Variants in TOP2A observed in about 807,000 individuals in gnomAD.
The protein encoded by TOP2A is DNA topoisomerase 2-alpha.
In TOP2A, 68 loss-of-function variants were observed where a neutral mutation model predicts 187.2. That is an observed-to-expected ratio of 0.36 (90% CI 0.30 to 0.44). The LOEUF is 0.44. Among genes scored for constraint, TOP2A ranks in the 20% least tolerant of loss-of-function variants. The pLI is 1.00. For missense variants in TOP2A, 1,196 were observed against 1,808.7 expected, an observed-to-expected ratio of 0.66 and a Z score of 6.14; for synonymous variants, 542 against 593.2, an observed-to-expected ratio of 0.91 and a Z score of 1.25.
chr17:40,402,283 G>C (rs1344116316), intron 20 of TOP2A, among the ~76,000 whole-genome samples: 1 of 152,200 alleles, frequency 6.6e-6, no homozygotes, highest in Non-Finnish European at 1.5e-5. Flanking sequence ...TAAGAGGGCA[G>C]TCAGACATAA....
In TOP2A at chr17:40,404,297, C is replaced by T. The variant is rs368661695; in HGVS notation, c.2162-24G>A. ...ACCTTTAAAATGAAATAAGAGCAAA[C>T]GTAAGTATCCTCAATTTAACCAATT... On this transcript the variant is annotated intron_variant, in intron 18 of 34. Transcript: ENST00000423485. The T allele has an allele frequency of 1.9e-5, 30 of 1,610,254 alleles. No homozygotes were observed. The African/African-American group carries it at 2.0e-4, about 11-fold the overall frequency.
At chr17:40,395,324 G>A in intron 29 of TOP2A, 125 bp downstream of exon 29, 1 of 345,102 alleles carries the variant, frequency 2.9e-6, no homozygotes, top group Non-Finnish European at 5.3e-6. Context: ...GTAGAATTGA[G>A]ATACAGTCCT....
At chr17:40,404,765 T>C (rs1427332957) in intron 17 of TOP2A, 26 bp downstream of exon 17, 2 of 1,441,774 alleles carry the variant, frequency 1.4e-6, no homozygotes, top group Non-Finnish European at 1.9e-6. Context: ...ACAATCCATT[T>C]TGTGGCATAT....
Position 40,396,475 on chromosome 17 carries a change from G to A in TOP2A, c.3538-10C>T, listed in dbSNP as rs753750322. ...CCTTGGCTTCAACAGCCTACAGAAG[G>A]GATATAAGAAAGCAAGTTTAAATGT... On this transcript the variant is annotated splice_polypyrimidine_tract_variant and intron_variant, in intron 27 of 34. Coordinates refer to ENST00000423485, the MANE Select transcript of TOP2A (RefSeq NM_001067.4). 2 of 1,602,212 alleles carry A rather than the reference G, an allele frequency of 1.2e-6. No individual in the cohort carries two copies. The highest frequency in any genetic ancestry group is 2.7e-5 in the African/African-American group (2 of 74,414).
chr17:40,400,690 T>G (rs768345250), intron 21 of TOP2A, 27 bp from the exon 22 acceptor site: 1 of 1,582,356 alleles, frequency 6.3e-7, no homozygotes, highest in Non-Finnish European at 8.6e-7. Context: ...AAAAACAGTA[T>G]GTTTTCTAAA....
In TOP2A at chr17:40,407,692, CA is replaced by C. The variant is rs754725247; in HGVS notation, c.1501-19del. On this transcript the variant is annotated intron_variant, in intron 12 of 34. Coordinates refer to ENST00000423485, the MANE Select transcript of TOP2A (RefSeq NM_001067.4). ...TCCATGATCTGAAATGGACATATAC[CA>C]AAAAAAGCATCGTTTATAAATTTGA... 23 of 1,550,082 alleles carry C rather than the reference CA, an allele frequency of 1.5e-5. No homozygotes were observed. Among genetic ancestry groups the C allele is most frequent in the Admixed American group, 9.5e-5 (4 of 42,208 alleles).
At position 40,398,769 on chromosome 17, in the gene TOP2A, T is replaced by C; in HGVS notation, c.3453+4A>G. 1 of 1,607,872 alleles carries C rather than the reference T, an allele frequency of 6.2e-7. No homozygotes were observed. Among genetic ancestry groups the C allele is most frequent in the Non-Finnish European group, 8.5e-7 (1 of 1,178,192 alleles). On this transcript the variant is annotated splice_donor_region_variant and intron_variant, in intron 26 of 34. Transcript: ENST00000423485. ...CAGCATGTACCATCCTACTATCAAC[T>C]CACTTTTTCATTTCTTAGCCTGCAG...
chr17:40,399,206 C>T lies in TOP2A; in HGVS notation c.3197-75G>A, dbSNP rs142152715. The T allele has an allele frequency of 4.7e-4, 502 of 1,079,098 alleles. 1 individual carries two copies. The African/African-American group carries it at 6.9e-3, about 15-fold the overall frequency. 66.8% of individuals were successfully genotyped at this position (1,079,098 alleles called of 1,614,324 possible). A position where few individuals can be genotyped will look rare whatever the true frequency, so the allele number is the denominator to read the frequency against. On this transcript the variant is annotated intron_variant, in intron 24 of 34. Transcript: ENST00000423485. ...GAAGGGGATAAGGTTTTACACAAGT[C>T]AAAAGTTTAAAACTGGAAATTAAAC...
rs559251838 is a variant in TOP2A at position 40,392,075 on chromosome 17, G to T, written c.4125C>A (p.Val1375=). 1 of 1,611,696 alleles carries T rather than the reference G, an allele frequency of 6.2e-7. No individual in the cohort carries two copies. Among genetic ancestry groups the T allele is most frequent in the Admixed American group, 1.7e-5 (1 of 59,744 alleles). The change falls in exon 32 of 35, where the codon GTC becomes GTA. Residue 1375 remains valine (V), a synonymous_variant. Coordinates refer to ENST00000423485, the MANE Select transcript of TOP2A (RefSeq NM_001067.4). The part of the protein sequence containing the change: ...SNKELKPQKS[V]VSDLEADDVK... ...TTTTACTTAAATACATACCTGACACGACACTTTTCTGTGGTTTCAGTTCTT... is the reference window on the plus strand; with the variant it reads ...TTTTACTTAAATACATACCTGACACTACACTTTTCTGTGGTTTCAGTTCTT...
rs1169094717 is a variant in TOP2A at position 40,392,264 on chromosome 17, A to C, written c.4042T>G (p.Phe1348Val). 1.2e-6 allele frequency: 2 copies of C among 1,612,718 alleles called. No homozygotes were observed. Among genetic ancestry groups the C allele is most frequent in the East Asian group, 2.2e-5 (1 of 44,836 alleles). ...DFDEKTDDED[F>V]VPSDASPPKT... ...GGTGGACTAGCATCTGATGGGACAA[A>C]ATCTTCATCATCAGTTTTTTCATCA... is the stretch of plus-strand genomic sequence containing the variant. The change falls in exon 31 of 35, where the codon TTT becomes GTT. Residue 1348 changes from phenylalanine (F) to valine (V), a missense_variant. Physicochemically the swap from Phe to Val is conservative, Grantham distance 50 (BLOSUM62 -1). Around this residue, in one of 10 missense-constraint regions of TOP2A, gnomAD observed 374 missense variants for 403.3 expected, o/e 0.93. Transcript: ENST00000423485.
Position 40,396,345 on chromosome 17 carries a change from T to C in TOP2A, c.3658A>G (p.Ile1220Val). The change falls in exon 28 of 35, where the codon ATT (isoleucine) becomes GTT (valine). Residue 1220 changes from isoleucine (I) to valine (V), a missense_variant. Transcript: ENST00000423485. Reference sequence around the variant, plus strand: ...TTCATTTCTATGGTTATTCGTGGAATGACTCTTTGACCACGCGGAGAAGGC... The same window carrying C: ...TTCATTTCTATGGTTATTCGTGGAACGACTCTTTGACCACGCGGAGAAGGC... ...VLPSPRGQRV[I>V]PRITIEMKAE... 4 of 1,613,862 alleles carry C rather than the reference T, an allele frequency of 2.5e-6. No individual in the cohort carries two copies. The South Asian group carries it at 4.4e-5, about 18-fold the overall frequency.
intron 10 of TOP2A, chr17:40,409,422 C>T (rs1002844760): frequency 1.2e-5 from 5 of 426,414 alleles, no homozygotes; most frequent in Non-Finnish European, 2.3e-5. Flanking sequence ...ACAAATAAAA[C>T]AAATTGAGAC....
chr17:40,413,563 A>C lies in TOP2A; in HGVS notation c.395T>G (p.Val132Gly). Reference sequence around the variant, plus strand: ...GAGAGCTGGGACATACATCTTTTCAACTTTGTGTTCAACAACAGGAATACC... The same window carrying C: ...GAGAGCTGGGACATACATCTTTTCACCTTTGTGTTCAACAACAGGAATACC... Reference protein sequence around the residue: ...GKGIPVVEHKVEKMYVPALIF... With the variant: ...GKGIPVVEHKGEKMYVPALIF... Residue 132 changes from valine (V) to glycine (G), a missense_variant, in exon 5 of 35, where the codon GTT (valine) becomes GGT (glycine). Around this residue, in one of 10 missense-constraint regions of TOP2A, gnomAD observed 97 missense variants for 171.0 expected, o/e 0.57. Coordinates refer to ENST00000423485, the MANE Select transcript of TOP2A (RefSeq NM_001067.4). 6.6e-7 allele frequency: 1 copy of C among 1,522,114 alleles called. No individual in the cohort carries two copies. Among genetic ancestry groups the C allele is most frequent in the Non-Finnish European group, 8.9e-7 (1 of 1,123,916 alleles). 94.3% of individuals were successfully genotyped at this position (1,522,114 alleles called of 1,614,324 possible).
At chr17:40,417,726 G>C (rs907230032) in intron 1 of TOP2A, 45 bp downstream of exon 1, 1 of 1,610,936 alleles carries the variant, frequency 6.2e-7, no homozygotes. Context: ...AGAGATGCCC[G>C]GGCCGCGCGG....
Position 40,390,053 on chromosome 17 carries a change from G to GT in TOP2A, c.4378dup (p.Thr1460AsnfsTer13). 1.9e-6 allele frequency: 3 copies of GT among 1,613,900 alleles called. No individual in the cohort carries two copies. Among genetic ancestry groups the GT allele is most frequent in the Non-Finnish European group, 2.5e-6 (3 of 1,179,856 alleles). Reference sequence around the variant, plus strand: ...TGGCTTCCTTTTGCGGCGATTCTTGGTTTTGGCAGGATCAGGCTTTTGAGA... The same window carrying GT: ...TGGCTTCCTTTTGCGGCGATTCTTGGTTTTTGGCAGGATCAGGCTTTTGAGA... On this transcript the variant is annotated frameshift_variant, in exon 34 of 35. Transcript: ENST00000423485. LOFTEE classifies it high-confidence loss of function.
At chr17:40,416,660 A>G in intron 2 of TOP2A, 80 bp downstream of exon 2, 1 of 1,527,824 alleles carries the variant, frequency 6.5e-7, no homozygotes, top group Non-Finnish European at 9.0e-7. Context: ...GAAAGGTCAC[A>G]CTCAGTACAT....
rs987335250 is a variant in TOP2A, at chr17:40,389,209, T to C, written c.*310A>G. 8.0e-6 allele frequency: 2 copies of C among 251,352 alleles called. No individual in the cohort carries two copies. The highest frequency in any genetic ancestry group is 1.5e-5 in the Non-Finnish European group (2 of 129,218). 15.6% of individuals were successfully genotyped at this position (251,352 alleles called of 1,614,324 possible). A position where few individuals can be genotyped will look rare whatever the true frequency, so the allele number is the denominator to read the frequency against. ...GTGGATGGTTAATAAACACACTGCT[T>C]TACGCTGAAGTGATCAGATAGCTAT... On this transcript the variant is annotated 3_prime_UTR_variant, in exon 35 of 35. Coordinates refer to ENST00000423485, the MANE Select transcript of TOP2A (RefSeq NM_001067.4).
chr17:40,392,055 C>G lies in TOP2A; in HGVS notation c.4132+13G>C, dbSNP rs2143621499. 2 of 1,610,628 alleles carry G rather than the reference C, an allele frequency of 1.2e-6. No homozygotes were observed. Among genetic ancestry groups the G allele is most frequent in the Non-Finnish European group, 1.7e-6 (2 of 1,178,798 alleles). On this transcript the variant is annotated intron_variant, in intron 32 of 34. Transcript: ENST00000423485. Reference sequence around the variant, plus strand: ...TAAGGCAGATGTCTCACTACTTTTACTTAAATACATACCTGACACGACACT... The same window carrying G: ...TAAGGCAGATGTCTCACTACTTTTAGTTAAATACATACCTGACACGACACT...
At chr17:40,399,442 G>A (rs1185275048) in intron 24 of TOP2A, among the ~76,000 whole-genome samples, 1 of 151,870 alleles carries the variant, frequency 6.6e-6, no homozygotes, top group South Asian at 2.1e-4. Context: ...CCCAGCTCAA[G>A]TGCTGAGATT....
Sources: allele counts gnomAD v4.1 joint callset (sites outside exome capture counted in the v4.1 genomes callset), GRCh38; gene constraint gnomAD v4.1.1; regional missense constraint gnomAD v4.1.1; transcripts MANE v1.5; gene names NCBI Gene and HGNC (gene_info 2026-07-23, HGNC 2026-07-21).